Variants in MRGPRF observed in about 807,000 individuals in gnomAD.
MRGPRF encodes MAS related GPR family member F.
In MRGPRF, 2 loss-of-function variants were observed where a neutral mutation model predicts 3.3. The ratio of observed to expected loss-of-function variants is 0.61; its 90% confidence interval spans 0.25 to 1.92. MRGPRF has a LOEUF of 1.92. Among genes scored for constraint, MRGPRF ranks in the 40% most tolerant of loss-of-function variants. The pLI is 0.16. For missense variants in MRGPRF, 500 were observed against 476.0 expected, an observed-to-expected ratio of 1.05 and a Z score of -0.47; for synonymous variants, 242 against 222.7, an observed-to-expected ratio of 1.09 and a Z score of -0.77.
chr11:69,006,301 G>A (rs764159227), intron 2 of MRGPRF, 40 bp from the exon 3 acceptor site: 1 of 1,553,874 alleles, frequency 6.4e-7, no homozygotes, highest in Non-Finnish European at 8.7e-7. Context: ...ATGCCGGCTG[G>A]CCCCCACCCA....
At chr11:69,010,296 C>T (rs1252915890) in intron 1 of MRGPRF, among the ~76,000 whole-genome samples, 1 of 152,252 alleles carries the variant, frequency 6.6e-6, no homozygotes, top group African/African-American at 2.4e-5. Context: ...ATTTTTGGGG[C>T]ACTTCCTTTG....
rs1212501800 is a variant in MRGPRF at position 69,006,102 on chromosome 11, C to T, written c.208G>A (p.Gly70Ser). ...AAGGGGTTCCTCTTGATGGAGAAGC[C>T]GAAAAACCAGAGGACCAGCCCGTTG... is the stretch of plus-strand genomic sequence containing the variant. Reference protein sequence around the residue: ...VGNGLVLWFFGFSIKRNPFSI... With the variant: ...VGNGLVLWFFSFSIKRNPFSI... The change falls in exon 3 of 3, where the codon GGC becomes AGC. Residue 70 changes from glycine (G) to serine (S), a missense_variant. Gly to Ser is a moderately conservative substitution (Grantham distance 56). Coordinates refer to ENST00000309099, the MANE Select transcript of MRGPRF (RefSeq NM_145015.5). The T allele has an allele frequency of 1.2e-6, 2 of 1,613,094 alleles. No homozygotes were observed. The highest frequency in any genetic ancestry group is 1.7e-6 in the Non-Finnish European group (2 of 1,179,630).
At chr11:69,009,442 A>C (rs1278690669) in intron 2 of MRGPRF, 1 of 523,058 alleles carries the variant, frequency 1.9e-6, no homozygotes, top group Non-Finnish European at 3.4e-6. Flanking sequence ...GGGGTGGCCC[A>C]GGACCCCCTA....
chr11:69,012,372 C>A (rs1427494051), intron 1 of MRGPRF: 3 of 152,352 alleles, frequency 2.0e-5, no homozygotes, highest in Non-Finnish European at 4.4e-5. Context: ...ATCAGAGGGG[C>A]CTGTCTCGCT....
Position 69,005,256 on chromosome 11 carries a change from GCCT to G in MRGPRF, c.*19_*21del. The G allele has an allele frequency of 6.8e-7, 1 of 1,463,010 alleles. No individual in the cohort carries two copies. Among genetic ancestry groups the G allele is most frequent in the Non-Finnish European group, 9.0e-7 (1 of 1,113,668 alleles). The allele number at this position is 1,463,010 out of a possible 1,614,324, so 90.6% of individuals were successfully genotyped here. ...GTCTTGGAGGCCGCTTCCTGCCCCT[GCCT>G]CCTCCAGGCGCTGGAGTCTCAGGAG... On this transcript the variant is annotated 3_prime_UTR_variant, in exon 3 of 3. Transcript: ENST00000309099.
At chr11:69,009,752 G>A (rs746793691) in intron 2 of MRGPRF, 102 bp downstream of exon 2, 16 of 1,405,500 alleles carry the variant, frequency 1.1e-5, no homozygotes, top group Non-Finnish European at 1.5e-5. Context: ...TGGAAAGTGG[G>A]GCCAGGAAGG....
Position 69,005,008 on chromosome 11 carries a change from C to G in MRGPRF, c.*270G>C. On this transcript the variant is annotated 3_prime_UTR_variant, in exon 3 of 3. Coordinates refer to ENST00000309099, the MANE Select transcript of MRGPRF (RefSeq NM_145015.5). ...AACCAGCCTAGGGCAAGGAGGGGCC[C>G]CACCACCTGGGGGCAACTTCTGTAC... The G allele has an allele frequency of 2.4e-6, 1 of 425,038 alleles. No homozygotes were observed. Among genetic ancestry groups the G allele is most frequent in the Admixed American group, 4.1e-5 (1 of 24,264 alleles). 26.3% of individuals were successfully genotyped at this position (425,038 alleles called of 1,614,324 possible).
At position 69,004,960 on chromosome 11, in the gene MRGPRF, G is replaced by T. The variant is rs1212120385; in HGVS notation, c.*318C>A. 3.2e-6 allele frequency: 1 copy of T among 316,038 alleles called. No individual in the cohort carries two copies. The highest frequency in any genetic ancestry group is 4.6e-5 in the Admixed American group (1 of 21,574). The allele number at this position is 316,038 out of a possible 1,614,324, so 19.6% of individuals were successfully genotyped here. On this transcript the variant is annotated 3_prime_UTR_variant, in exon 3 of 3. Transcript: ENST00000309099. Reference sequence around the variant, plus strand: ...CAAGAGGCAGAGGTGGCTAGGCTGGGTGTTGACCTCCTCTCTTTTACCAAC... The same window carrying T: ...CAAGAGGCAGAGGTGGCTAGGCTGGTTGTTGACCTCCTCTCTTTTACCAAC...
In MRGPRF at chr11:69,010,150, C is replaced by A. The variant is rs550121285; in HGVS notation, c.-56-193G>T. Among the ~76,000 whole-genome samples the A allele has an allele frequency of 8.9e-4, 135 of 152,354 alleles. 1 individual carries two copies. Among genetic ancestry groups the A allele is most frequent in the African/African-American group, 3.2e-3 (132 of 41,580 alleles). On this transcript the variant is annotated intron_variant, in intron 1 of 2. Transcript: ENST00000309099. ...GATTCTGGAGGTCACCCCTGGGGCA[C>A]GGCCCCCTCCTGCCTGTGGACTCCG...
At chr11:69,010,863 G>A (rs969077620) in intron 1 of MRGPRF, among the ~76,000 whole-genome samples, 1 of 152,086 alleles carries the variant, frequency 6.6e-6, no homozygotes, top group African/African-American at 2.4e-5. Context: ...ATTGATCCCG[G>A]TCCCCCAACC....
intron 1 of MRGPRF, among the ~76,000 whole-genome samples, chr11:69,011,936 C>T (rs1860606245): frequency 1.3e-5 from 2 of 152,246 alleles, no homozygotes; most frequent in Non-Finnish European, 2.9e-5. Context: ...CATCTGCGTC[C>T]CTCCATTATG....
In MRGPRF at chr11:69,012,514, C is replaced by T. The variant is rs150537123; in HGVS notation, c.-57+569G>A. 4.0e-3 allele frequency: 612 copies of T among 152,520 alleles called. 1 individual carries two copies. The highest frequency in any genetic ancestry group is 6.3e-3 in the Non-Finnish European group (430 of 68,146). The allele number at this position is 152,520 out of a possible 1,614,324, so 9.4% of individuals were successfully genotyped here. A position where few individuals can be genotyped will look rare whatever the true frequency, so the allele number is the denominator to read the frequency against. On this transcript the variant is annotated intron_variant, in intron 1 of 2. Transcript: ENST00000309099. Reference sequence around the variant, plus strand: ...TTCCAGGAGCCGCCTCCATCCAAGGCCAACAGCTTCATCAGGCCGCAGGCC... The same window carrying T: ...TTCCAGGAGCCGCCTCCATCCAAGGTCAACAGCTTCATCAGGCCGCAGGCC...
Position 69,005,220 on chromosome 11 carries a change from C to T in MRGPRF, c.*58G>A. 3.5e-6 allele frequency: 5 copies of T among 1,440,236 alleles called. No individual in the cohort carries two copies. Among genetic ancestry groups the T allele is most frequent in the Non-Finnish European group, 4.5e-6 (5 of 1,102,954 alleles). 89.2% of individuals were successfully genotyped at this position (1,440,236 alleles called of 1,614,324 possible). A position where few individuals can be genotyped will look rare whatever the true frequency, so the allele number is the denominator to read the frequency against. On this transcript the variant is annotated 3_prime_UTR_variant, in exon 3 of 3. Transcript: ENST00000309099. ...CAGAAGCAGGTGCCCATTCCTGTCC[C>T]AAGGCGAAGGGTCTTGGAGGCCGCT...
chr11:69,006,220 C>T lies in MRGPRF; in HGVS notation c.90G>A (p.Arg30=). Residue 30 remains arginine, a synonymous_variant, in exon 3 of 3, where the codon CGG becomes CGA. Coordinates refer to ENST00000309099, the MANE Select transcript of MRGPRF (RefSeq NM_145015.5). The stretch of plus-strand genomic sequence containing the variant: ...CGATCTGCTCGATGGTCAGGAAGCC[C>T]CGGCTGTAGAGTTCCGGGGCCTCGC... The part of the protein sequence containing the change: ...GLSEAPELYS[R]GFLTIEQIAM... The T allele has an allele frequency of 6.2e-7, 1 of 1,613,388 alleles. No homozygotes were observed. The highest frequency in any genetic ancestry group is 1.1e-5 in the South Asian group (1 of 91,078).
Position 69,009,971 on chromosome 11 carries a change from A to C in MRGPRF, c.-56-14T>G. 6.5e-7 allele frequency: 1 copy of C among 1,535,446 alleles called. No individual in the cohort carries two copies. Among genetic ancestry groups the C allele is most frequent in the Non-Finnish European group, 8.8e-7 (1 of 1,138,430 alleles). ...CTGCACACCCACCTGGCAGAAGCCC[A>C]GAGAGAGGGTGGATGAGGACAGCAG... is the stretch of plus-strand genomic sequence containing the variant. On this transcript the variant is annotated splice_polypyrimidine_tract_variant and intron_variant, in intron 1 of 2. Coordinates refer to ENST00000309099, the MANE Select transcript of MRGPRF (RefSeq NM_145015.5).
intron 1 of MRGPRF, among the ~76,000 whole-genome samples, chr11:69,010,600 G>C (rs1021466271): frequency 6.6e-6 from 1 of 152,218 alleles, no homozygotes; most frequent in African/African-American, 2.4e-5. Flanking sequence ...ATGCCCCTTT[G>C]ATGGGCGCTC....
At position 69,005,777 on chromosome 11, in the gene MRGPRF, T is replaced by G. The variant is rs540577584; in HGVS notation, c.533A>C (p.His178Pro). ...WVLSLLVTCL[H>P]NYFCVFLGRG... Reference sequence around the variant, plus strand: ...GCCCAGGAACACGCAGAAGTAGTTGTGCAGGCAGGTGACCAGGAGGGACAG... The same window carrying G: ...GCCCAGGAACACGCAGAAGTAGTTGGGCAGGCAGGTGACCAGGAGGGACAG... The change falls in exon 3 of 3, where the codon CAC becomes CCC. Residue 178 changes from histidine to proline, a missense_variant. His to Pro is a moderately conservative substitution (Grantham distance 77). Coordinates refer to ENST00000309099, the MANE Select transcript of MRGPRF (RefSeq NM_145015.5). 159 of 1,543,754 alleles carry G rather than the reference T, an allele frequency of 1.0e-4. No homozygotes were observed. Among genetic ancestry groups the G allele is most frequent in the Non-Finnish European group, 1.3e-4 (152 of 1,143,678 alleles).
At position 69,006,170 on chromosome 11, in the gene MRGPRF, A is replaced by T. The variant is rs746533666; in HGVS notation, c.140T>A (p.Met47Lys). 12 of 1,613,860 alleles carry T rather than the reference A, an allele frequency of 7.4e-6. No individual in the cohort carries two copies. The highest frequency in any genetic ancestry group is 1.0e-5 in the Non-Finnish European group (12 of 1,179,872). The part of the protein sequence containing the change: ...QIAMLPPPAV[M>K]NYIFLLLCLC... ...GCAGAGGAGCAGGAAGATGTAGTTC[A>T]TGACGGCCGGAGGCGGCAGCATCGC... Residue 47 changes from methionine (M) to lysine (K), a missense_variant, in exon 3 of 3, where the codon ATG becomes AAG. Met to Lys is a moderately conservative substitution (Grantham distance 95, BLOSUM62 -1). Coordinates refer to ENST00000309099, the MANE Select transcript of MRGPRF (RefSeq NM_145015.5).
intron 1 of MRGPRF, among the ~76,000 whole-genome samples, chr11:69,011,056 G>A (rs902555992): frequency 5.3e-5 from 8 of 152,270 alleles, no homozygotes; most frequent in Middle Eastern, 3.4e-3. Flanking sequence ...CAAGGGGAGA[G>A]CTGGGCATCC....
Sources: allele counts gnomAD v4.1 joint callset (sites outside exome capture counted in the v4.1 genomes callset), GRCh38; gene constraint gnomAD v4.1.1; transcripts MANE v1.5; gene names NCBI Gene and HGNC (gene_info 2026-07-23, HGNC 2026-07-21).